Variants in SMAD6 observed in about 807,000 individuals in gnomAD.
SMAD6 encodes SMAD family member 6.
A neutral mutation model predicts 39.4 loss-of-function variants in SMAD6; 103 were observed. The ratio of observed to expected loss-of-function variants is 2.62; its 90% CI spans 2.23 to 3.08. SMAD6 has a LOEUF of 3.08. Among genes scored for constraint, SMAD6 ranks in the 30% most tolerant of loss-of-function variants. SMAD6 has a pLI of 0.00. For synonymous variants in SMAD6, 445 were observed against 353.3 expected (o/e 1.26, Z -2.91); for missense variants, 1,104 against 742.9 (o/e 1.49, Z -5.65).
chr15:66,733,073 C>T (rs1210565808), intron 3 of SMAD6, among the ~76,000 whole-genome samples: 1 of 151,802 alleles, frequency 6.6e-6, no homozygotes, highest in East Asian at 1.9e-4. Flanking sequence ...AACGACTACT[C>T]TTTTCTTTTT....
intron 2 of SMAD6, among the ~76,000 whole-genome samples, chr15:66,715,289 G>GAA (rs199551873): frequency 0.25 from 33,371 of 134,784 alleles, 4,101 homozygotes; most frequent in Middle Eastern, 0.32. Flanking sequence ...AACGAGAGAG[G>GAA]AAAAAAAAAA....
At chr15:66,760,023 G>A (rs948578534) in intron 3 of SMAD6, among the ~76,000 whole-genome samples, 2 of 152,104 alleles carry the variant, frequency 1.3e-5, no homozygotes, top group African/African-American at 4.8e-5. Flanking sequence ...GACCTTTCTG[G>A]CCTTGTCTCC....
intron 3 of SMAD6, among the ~76,000 whole-genome samples, chr15:66,774,371 A>G (rs1448541236): frequency 3.3e-5 from 5 of 152,098 alleles, no homozygotes; most frequent in East Asian, 3.9e-4. Context: ...CACCCCCACA[A>G]AATTACATGT....
At chr15:66,707,214 A>C (rs1481059032) in intron 1 of SMAD6, 1 of 151,920 alleles carries the variant, frequency 6.6e-6, no homozygotes, top group African/African-American at 2.4e-5. Flanking sequence ...GTGTTTATAG[A>C]GCTCCTTTCT....
chr15:66,719,988 G>A (rs1893403630), intron 3 of SMAD6, among the ~76,000 whole-genome samples: 1 of 152,174 alleles, frequency 6.6e-6, no homozygotes, highest in Admixed American at 6.5e-5. Flanking sequence ...TCTTTGATGG[G>A]ATTTGGGAAG....
chr15:66,752,671 G>A (rs1290294489), intron 3 of SMAD6, among the ~76,000 whole-genome samples: 1 of 152,134 alleles, frequency 6.6e-6, no homozygotes, highest in Non-Finnish European at 1.5e-5. Context: ...GCACATGCCT[G>A]TAGTCCCAGC....
chr15:66,767,877 A>G (rs1458883627), intron 3 of SMAD6, among the ~76,000 whole-genome samples: 1 of 151,892 alleles, frequency 6.6e-6, no homozygotes, highest in Non-Finnish European at 1.5e-5. Flanking sequence ...GCTATTTTAA[A>G]GGAAAGGATT....
At chr15:66,752,168 T>C (rs1029732887) in intron 3 of SMAD6, among the ~76,000 whole-genome samples, 3 of 152,006 alleles carry the variant, frequency 2.0e-5, no homozygotes, top group Non-Finnish European at 2.9e-5. Flanking sequence ...CTAGGAAGCT[T>C]TTCTGGGTCT....
At chr15:66,772,019 C>T (rs1894386922) in intron 3 of SMAD6, among the ~76,000 whole-genome samples, 1 of 152,166 alleles carries the variant, frequency 6.6e-6, no homozygotes, top group Admixed American at 6.5e-5. Context: ...TGTCGTGGGG[C>T]AGTGTCGTTA....
chr15:66,708,865 CTG>C (rs1370809010), intron 1 of SMAD6: 4 of 406,738 alleles, frequency 9.8e-6, no homozygotes, highest in African/African-American at 2.1e-5. Flanking sequence ...TTGCACAACA[CTG>C]TGAATATACT....
intron 3 of SMAD6, among the ~76,000 whole-genome samples, chr15:66,722,515 AG>A (rs142360805): frequency 0.29 from 44,504 of 152,022 alleles, 6,801 homozygotes; most frequent in East Asian, 0.44. Context: ...TCCAGCCTAG[AG>A]GCAGTGGACA....
chr15:66,703,510 G>T lies in SMAD6; in HGVS notation c.252G>T (p.Arg84=). 1 of 1,223,518 alleles carries T rather than the reference G, an allele frequency of 8.2e-7. No individual in the cohort carries two copies. Among genetic ancestry groups the T allele is most frequent in the Non-Finnish European group, 1.0e-6 (1 of 979,634 alleles). The allele number at this position is 1,223,518 out of a possible 1,614,324, so 75.8% of individuals were successfully genotyped here. A position where few individuals can be genotyped will look rare whatever the true frequency, so the allele number is the denominator to read the frequency against. The change falls in exon 1 of 4, where the codon CGG becomes CGT. Residue 84 remains arginine (R), a synonymous_variant. Coordinates refer to ENST00000288840, the MANE Select transcript of SMAD6 (RefSeq NM_005585.5). ...QRGAQGAGRR[R]RAGGPPRPMS... ...GCGCCCAGGGCGCGGGGAGGCGCCG[G>T]CGCGCAGGGGGCCCCCCGAGGCCCA...
intron 3 of SMAD6, among the ~76,000 whole-genome samples, chr15:66,765,158 T>A (rs1382812834): frequency 6.6e-6 from 1 of 152,122 alleles, no homozygotes; most frequent in African/African-American, 2.4e-5. Flanking sequence ...CCTGGCACTT[T>A]CCTTCAGCCA....
chr15:66,727,674 G>GA (rs1278275571), intron 3 of SMAD6, among the ~76,000 whole-genome samples: 2 of 152,170 alleles, frequency 1.3e-5, no homozygotes, highest in Admixed American at 6.5e-5. Context: ...GGTAGGTTAG[G>GA]GATGGGCATC....
chr15:66,728,477 G>T (rs954982927), intron 3 of SMAD6, among the ~76,000 whole-genome samples: 1 of 151,882 alleles, frequency 6.6e-6, no homozygotes, highest in Admixed American at 6.6e-5. Context: ...TGTGATCTCG[G>T]CTCACTGCAA....
chr15:66,707,517 C>G (rs1010407262), intron 1 of SMAD6: 3 of 152,322 alleles, frequency 2.0e-5, no homozygotes, highest in African/African-American at 7.2e-5. Context: ...CAAGCCCCCG[C>G]CCTGCCCGGC....
rs1278620954 is a variant in SMAD6 at position 66,703,794 on chromosome 15, T to C, written c.536T>C (p.Leu179Pro). The C allele has an allele frequency of 2.1e-6, 3 of 1,442,194 alleles. No homozygotes were observed. Among genetic ancestry groups the C allele is most frequent in the Non-Finnish European group, 1.8e-6 (2 of 1,087,296 alleles). The allele number at this position is 1,442,194 out of a possible 1,614,324, so 89.3% of individuals were successfully genotyped here. ...EQELKTVTYS[L>P]LKRLKERSLD... is the part of the protein sequence containing the mutation. The stretch of plus-strand genomic sequence containing the variant: ...GAACTCAAAACCGTCACGTACTCGC[T>C]GCTGAAGCGGCTCAAGGAGCGCTCG... Residue 179 changes from leucine (L) to proline (P), a missense_variant, in exon 1 of 4, where the codon CTG becomes CCG. By Grantham distance (98) the Leu-to-Pro change is moderately conservative. Coordinates refer to ENST00000288840, the MANE Select transcript of SMAD6 (RefSeq NM_005585.5).
chr15:66,753,322 C>G (rs757973140), intron 3 of SMAD6, among the ~76,000 whole-genome samples: 1 of 152,216 alleles, frequency 6.6e-6, no homozygotes, highest in African/African-American at 2.4e-5. Context: ...AGCCTGCCCT[C>G]CTGTCACCCC....
chr15:66,765,913 A>T, intron 3 of SMAD6, among the ~76,000 whole-genome samples: 1 of 152,114 alleles, frequency 6.6e-6, no homozygotes, highest in East Asian at 1.9e-4. Context: ...CCCACTGAGG[A>T]GGAAGTGGTT....
Sources: allele counts gnomAD v4.1 joint callset (sites outside exome capture counted in the v4.1 genomes callset), GRCh38; gene constraint gnomAD v4.1.1; transcripts MANE v1.5; gene names NCBI Gene and HGNC (gene_info 2026-07-23, HGNC 2026-07-21).